Variants in PAK6 observed in about 807,000 individuals in gnomAD.
PAK6 encodes p21 (RAC1) activated kinase 6, also known as serine/threonine-protein kinase PAK 6.
In PAK6, 33 loss-of-function variants were observed where a neutral mutation model predicts 60.8. The observed-to-expected ratio is 0.54, with a 90% confidence interval of 0.41 to 0.73. The LOEUF is 0.73. Ranked by LOEUF, PAK6 falls within the 30% of genes least tolerant of loss-of-function variation. PAK6 has a pLI of 0.00. For missense variants in PAK6, 845 were observed against 904.1 expected (o/e 0.93, Z 0.84); for synonymous variants, 404 against 378.5 (o/e 1.07, Z -0.78).
chr15:40,252,387 G>T, intron 2 of PAK6: 1 of 1,329,530 alleles, frequency 7.5e-7, no homozygotes, highest in Non-Finnish European at 9.9e-7. Context: ...GGAGGCGAAG[G>T]GCGGGCGGGA....
chr15:40,273,999 G>A, intron 9 of PAK6, 143 bp from the exon 10 acceptor site: 1 of 942,540 alleles, frequency 1.1e-6, no homozygotes, highest in Non-Finnish European at 1.6e-6. Context: ...TGGCCACAGG[G>A]CAGGTGACCA....
exon 10 of PAK6, chr15:40,274,202 T>C: frequency 6.2e-7 from 1 of 1,613,920 alleles, no homozygotes; most frequent in Non-Finnish European, 8.5e-7. Flanking sequence ...GCCACCGTAC[T>C]TCAGTGACTC....
At chr15:40,273,472 G>A in exon 8 of PAK6, 7 of 1,613,662 alleles carry the variant, frequency 4.3e-6, no homozygotes, top group Non-Finnish European at 5.9e-6. Context: ...TCGATGGCAG[G>A]GTAGGTCCCA....
At chr15:40,252,338 C>T (rs527893521) in intron 2 of PAK6, 1 of 1,284,660 alleles carries the variant, frequency 7.8e-7, no homozygotes, top group African/African-American at 1.5e-5. Flanking sequence ...GCCGTGGAGC[C>T]GCAGGCAGGT....
At chr15:40,243,344 C>T (rs185235842) in intron 2 of PAK6, among the ~76,000 whole-genome samples, 5 of 152,254 alleles carry the variant, frequency 3.3e-5, no homozygotes, top group South Asian at 4.2e-4. Context: ...GCCTCAGGCC[C>T]GGTGCTGCCT....
At chr15:40,240,523 G>A in intron 1 of PAK6, 76 bp from the exon 2 acceptor site, 3 of 400,098 alleles carry the variant, frequency 7.5e-6, no homozygotes, top group Non-Finnish European at 1.5e-5. Flanking sequence ...GCCTTCAAGA[G>A]AAGAGGCTGG....
intron 5 of PAK6, 73 bp from the exon 6 acceptor site, chr15:40,272,151 A>G (rs1439500670): frequency 1.3e-6 from 2 of 1,522,528 alleles, no homozygotes; most frequent in South Asian, 1.2e-5. Flanking sequence ...CACGGCGGCC[A>G]GCCCCTGCCT....
chr15:40,266,202 T>G (rs1178742957), exon 5 of PAK6: 1 of 1,609,628 alleles, frequency 6.2e-7, no homozygotes, highest in South Asian at 1.1e-5. Context: ...TCAGGGTGCC[T>G]CGCAGCGCTG....
exon 5 of PAK6, chr15:40,265,846 T>G: frequency 6.6e-7 from 1 of 1,520,662 alleles, no homozygotes; most frequent in Non-Finnish European, 8.8e-7. Context: ...CTACAGACAG[T>G]GGTGCGGGGC....
intron 4 of PAK6, among the ~76,000 whole-genome samples, chr15:40,265,463 G>A (rs565932766): frequency 2.6e-5 from 4 of 152,258 alleles, no homozygotes; most frequent in Admixed American, 1.3e-4. Context: ...CCCCCGGCCT[G>A]GTGTCTCTTC....
chr15:40,265,366 G>A lies in PAK6; in HGVS notation c.204+377G>A, dbSNP rs1338832889. Among the ~76,000 whole-genome samples, 3 of 152,222 alleles carry A rather than the reference G, an allele frequency of 2.0e-5. 1 individual carries two copies. Among genetic ancestry groups the A allele is most frequent in the Non-Finnish European group, 4.4e-5 (3 of 68,036 alleles). On this transcript the variant is annotated intron_variant, in intron 4 of 10. Coordinates refer to ENST00000560346, the Ensembl canonical transcript of PAK6. ...GGAGAATTTTAGTTGTGAGGGTCAC[G>A]ACTAGTAGACCCAAGAGCCTGGTAG...
intron 3 of PAK6, chr15:40,264,509 C>T: frequency 3.4e-6 from 2 of 583,630 alleles, no homozygotes; most frequent in South Asian, 3.1e-5. Flanking sequence ...TCTGCCTGCT[C>T]CATAGGGGAC....
chr15:40,273,786 G>GT, intron 9 of PAK6, 110 bp downstream of exon 9: 1 of 1,289,320 alleles, frequency 7.8e-7, no homozygotes, highest in South Asian at 1.4e-5. Flanking sequence ...GGTTTTCAGA[G>GT]TCCCACCTAG....
chr15:40,262,720 G>A (rs1566851288), intron 3 of PAK6, among the ~76,000 whole-genome samples: 1 of 152,196 alleles, frequency 6.6e-6, no homozygotes, highest in Non-Finnish European at 1.5e-5. Context: ...TGTCTGGAGG[G>A]CCTGAGCTTC....
intron 2 of PAK6, chr15:40,252,703 G>T: frequency 7.7e-7 from 1 of 1,305,500 alleles, no homozygotes. Flanking sequence ...TGGGTTCCCC[G>T]GCTGCCCCGG....
At chr15:40,253,507 TG>T (rs1475484135) in intron 3 of PAK6, among the ~76,000 whole-genome samples, 2 of 152,246 alleles carry the variant, frequency 1.3e-5, no homozygotes, top group Non-Finnish European at 1.5e-5. Context: ...CACGGTAGGC[TG>T]GTAGACGTCA....
Position 40,275,921 on chromosome 15 carries a change from C to G in PAK6, c.1879-6C>G, listed in dbSNP as rs1160121406. ...GTGGCTTCATCTTACTGCCCTGCCT[C>G]TACAGGTCTCCCCAGTGCTGCGAGA... On this transcript the variant is annotated splice_polypyrimidine_tract_variant and splice_region_variant and intron_variant, in intron 10 of 10. Coordinates refer to ENST00000560346, the Ensembl canonical transcript of PAK6. The G allele has an allele frequency of 6.2e-7, 1 of 1,609,854 alleles. No homozygotes were observed. The highest frequency in any genetic ancestry group is 8.5e-7 in the Non-Finnish European group (1 of 1,177,964).
At chr15:40,252,082 A>G (rs2038685110) in intron 2 of PAK6, 1 of 280,904 alleles carries the variant, frequency 3.6e-6, no homozygotes, top group Non-Finnish European at 6.7e-6. Context: ...CTGCCTGCGC[A>G]AGGGGCTACC....
Position 40,252,551 on chromosome 15 carries a change from A to T in PAK6, c.-117-627A>T, listed in dbSNP as rs773561939. 2.4e-5 allele frequency: 33 copies of T among 1,361,264 alleles called. No homozygotes were observed. The Admixed American group carries it at 6.3e-4, about 26-fold the overall frequency. The allele number at this position is 1,361,264 out of a possible 1,614,324, so 84.3% of individuals were successfully genotyped here. On this transcript the variant is annotated intron_variant, in intron 2 of 10. Transcript: ENST00000560346. Reference sequence around the variant, plus strand: ...CCTGAGGCCACACCCTGAAATCAAAATCGCGGTCAGGTGAAGCCGGCGCTG... The same window carrying T: ...CCTGAGGCCACACCCTGAAATCAAATTCGCGGTCAGGTGAAGCCGGCGCTG...
Sources: gnomAD v4.1 joint callset for allele counts (sites outside exome capture counted in the v4.1 genomes callset) on GRCh38, gnomAD v4.1.1 for gene constraint, MANE v1.5 for transcripts, NCBI Gene and HGNC (gene_info 2026-07-23, HGNC 2026-07-21) for gene names.